The following SPOCK3 variants were observed in gnomAD, a reference collection of about 807,000 sequenced individuals.
SPOCK3 encodes the protein testican-3.
SPOCK3 carries 30 observed loss-of-function variants against 56.6 expected under a neutral mutation model. The observed-to-expected ratio is 0.53, with a 90% CI of 0.40 to 0.72. The LOEUF (loss-of-function observed/expected upper bound fraction) is 0.72. SPOCK3 is among the 30% of genes least tolerant of loss of function. The pLI is 0.00. For synonymous variants in SPOCK3, 196 were observed against 183.3 expected, an observed-to-expected ratio of 1.07 and a Z score of -0.56; for missense variants, 527 against 530.0, an observed-to-expected ratio of 0.99 and a Z score of 0.06.
intron 7 of SPOCK3, among the ~76,000 whole-genome samples, chr4:166,765,490 T>G (rs1490388195): frequency 1.3e-5 from 2 of 152,166 alleles, no homozygotes; most frequent in Non-Finnish European, 2.9e-5. Flanking sequence ...AAAGATCAGA[T>G]GGTTGTAGAT....
intron 2 of SPOCK3, among the ~76,000 whole-genome samples, chr4:167,130,098 C>T (rs1762584430): frequency 6.6e-6 from 1 of 152,108 alleles, no homozygotes; most frequent in South Asian, 2.1e-4. Flanking sequence ...TTACTGCAGC[C>T]TTCAATTCCT....
chr4:166,819,774 A>G (rs148184969), intron 6 of SPOCK3, among the ~76,000 whole-genome samples: 2 of 151,918 alleles, frequency 1.3e-5, no homozygotes, highest in Non-Finnish European at 2.9e-5. Context: ...ACAAGGTCTT[A>G]CTGTGTCACT....
At chr4:166,924,562 A>C (rs1237944403) in intron 4 of SPOCK3, among the ~76,000 whole-genome samples, 1 of 152,202 alleles carries the variant, frequency 6.6e-6, no homozygotes, top group Non-Finnish European at 1.5e-5. Flanking sequence ...TTTTCTGACC[A>C]ACTGGAGGCC....
intron 9 of SPOCK3, among the ~76,000 whole-genome samples, chr4:166,740,444 T>C (rs2126383040): frequency 6.6e-6 from 1 of 151,010 alleles, no homozygotes; most frequent in East Asian, 1.9e-4. Flanking sequence ...TGGCTTTCTT[T>C]ATGGTACATG....
At chr4:167,085,118 G>A (rs1202223659) in intron 2 of SPOCK3, among the ~76,000 whole-genome samples, 1 of 150,692 alleles carries the variant, frequency 6.6e-6, no homozygotes, top group Non-Finnish European at 1.5e-5. Context: ...AAAATGTTGG[G>A]ATCAAAGGAA....
intron 5 of SPOCK3, among the ~76,000 whole-genome samples, chr4:166,901,705 C>T (rs1247527746): frequency 4.6e-5 from 7 of 152,098 alleles, no homozygotes; most frequent in Non-Finnish European, 8.8e-5. Context: ...AAGACAAACA[C>T]ATAAGGCAAA....
chr4:166,950,987 G>A (rs199821607), intron 4 of SPOCK3, among the ~76,000 whole-genome samples: 80,505 of 106,744 alleles, frequency 0.75, 31,557 homozygotes, highest in African/African-American at 0.9. Flanking sequence ...AAAGCAGGAA[G>A]GATCCAAAAT....
At chr4:167,205,269 T>C (rs1277895024) in intron 2 of SPOCK3, among the ~76,000 whole-genome samples, 1 of 70,344 alleles carries the variant, frequency 1.4e-5, no homozygotes, top group Non-Finnish European at 2.5e-5. Context: ...TTTATATCTA[T>C]AATATATATT....
chr4:167,205,554 T>A (rs1471744062), intron 2 of SPOCK3, among the ~76,000 whole-genome samples: 2 of 65,448 alleles, frequency 3.1e-5, no homozygotes, highest in Admixed American at 6.4e-4. Flanking sequence ...TTATATAATA[T>A]ATAATATATA....
At chr4:167,121,989 G>A (rs1216404245) in intron 2 of SPOCK3, among the ~76,000 whole-genome samples, 2 of 151,834 alleles carry the variant, frequency 1.3e-5, no homozygotes, top group East Asian at 1.9e-4. Context: ...TTTACCCATG[G>A]CAAACCATAA....
At chr4:166,750,906 A>C (rs1736290653) in intron 8 of SPOCK3, among the ~76,000 whole-genome samples, 1 of 152,194 alleles carries the variant, frequency 6.6e-6, no homozygotes, top group Non-Finnish European at 1.5e-5. Flanking sequence ...GAAAGTGGGC[A>C]TTATGGAGGT....
At chr4:167,228,295 A>G (rs1440645803) in intron 2 of SPOCK3, among the ~76,000 whole-genome samples, 1 of 152,202 alleles carries the variant, frequency 6.6e-6, no homozygotes, top group Non-Finnish European at 1.5e-5. Flanking sequence ...ATAAACATAT[A>G]CAACATACAT....
At chr4:166,868,869 C>CT (rs933982837) in intron 6 of SPOCK3, among the ~76,000 whole-genome samples, 1 of 151,942 alleles carries the variant, frequency 6.6e-6, no homozygotes, top group Admixed American at 6.6e-5. Context: ...TCTCTATTAT[C>CT]TTTTTTTTCT....
At chr4:166,982,889 C>T (rs941790497) in intron 4 of SPOCK3, among the ~76,000 whole-genome samples, 2 of 152,170 alleles carry the variant, frequency 1.3e-5, no homozygotes, top group South Asian at 2.1e-4. Flanking sequence ...GGAGAGTAGC[C>T]AATTATAGAT....
At chr4:167,041,978 T>G (rs992625037) in intron 3 of SPOCK3, among the ~76,000 whole-genome samples, 5 of 152,186 alleles carry the variant, frequency 3.3e-5, no homozygotes, top group African/African-American at 1.2e-4. Context: ...AAGCATTGCA[T>G]TAAACAATTT....
At chr4:166,942,703 C>T (rs973367705) in intron 4 of SPOCK3, among the ~76,000 whole-genome samples, 12 of 151,968 alleles carry the variant, frequency 7.9e-5, no homozygotes, top group African/African-American at 2.7e-4. Context: ...ACTAAGAATA[C>T]CCTATAGAAT....
At chr4:167,011,749 C>CT (rs1210530028) in intron 3 of SPOCK3, among the ~76,000 whole-genome samples, 9 of 152,100 alleles carry the variant, frequency 5.9e-5, no homozygotes, top group African/African-American at 2.2e-4. Flanking sequence ...CATAAAAGAC[C>CT]TATTGCTTTT....
chr4:167,162,455 T>A (rs899316244), intron 2 of SPOCK3, among the ~76,000 whole-genome samples: 2 of 152,152 alleles, frequency 1.3e-5, no homozygotes, highest in Non-Finnish European at 2.9e-5. Context: ...ACTAGCCCCA[T>A]GTACTTACTT....
chr4:167,067,254 G>A (rs917281313), intron 2 of SPOCK3, among the ~76,000 whole-genome samples: 1 of 151,838 alleles, frequency 6.6e-6, no homozygotes, highest in Non-Finnish European at 1.5e-5. Context: ...TTTAAAAAAA[G>A]TTTACAAAGC....
Sources: allele counts gnomAD v4.1 joint callset (sites outside exome capture counted in the v4.1 genomes callset), GRCh38; gene constraint gnomAD v4.1.1; transcripts MANE v1.5; gene names NCBI Gene and HGNC (gene_info 2026-07-23, HGNC 2026-07-21).